The following RNF103 variants were observed in gnomAD, a reference collection of about 807,000 sequenced individuals.
RNF103 encodes E3 ubiquitin-protein ligase RNF103.
In RNF103, 23 loss-of-function variants were observed where a neutral mutation model predicts 66.2. That is an observed-to-expected ratio of 0.35 (90% CI 0.25 to 0.49). RNF103 has a LOEUF of 0.49. RNF103 is among the 20% of genes least tolerant of loss of function. The probability of loss-of-function intolerance (pLI) is 0.98; values close to 1 mark genes in which losing one functional copy is unlikely to be tolerated. For missense variants in RNF103, 730 were observed against 814.7 expected (o/e 0.90, Z 1.27); for synonymous variants, 297 against 289.9 (o/e 1.02, Z -0.25).
chr2:86,612,358 CT>C lies in RNF103; in HGVS notation c.367-85del, dbSNP rs1678832190. The C allele has an allele frequency of 1.9e-5, 14 of 725,722 alleles. No homozygotes were observed. In the South Asian group the frequency reaches 2.3e-4, roughly 12 times the overall value. The allele number at this position is 725,722 out of a possible 1,614,324, so 45.0% of individuals were successfully genotyped here. A position where few individuals can be genotyped will look rare whatever the true frequency, so the allele number is the denominator to read the frequency against. ...CGTTTACATCAACAATATAATTTCA[CT>C]TAAAAAAAAAGATATTCTGTTCCCA... On this transcript the variant is annotated intron_variant, in intron 2 of 3. Coordinates refer to ENST00000237455, the MANE Select transcript of RNF103 (RefSeq NM_005667.4).
chr2:86,610,156 T>A (rs1678736962), intron 3 of RNF103, among the ~76,000 whole-genome samples: 1 of 152,200 alleles, frequency 6.6e-6, no homozygotes, highest in African/African-American at 2.4e-5. Flanking sequence ...TGCAACAAAA[T>A]CATTTTCTGA....
At position 86,623,171 on chromosome 2, in the gene RNF103, A is replaced by C. The variant is rs933338852; in HGVS notation, c.-285T>G. On this transcript the variant is annotated 5_prime_UTR_variant, in exon 1 of 4. Transcript: ENST00000237455. ...GAAAAACTCAAAACCCCCATCCATT[A>C]AGCACAGAAAGGAGAGGGGCGCGGG... is the stretch of plus-strand genomic sequence containing the variant. 4.6e-6 allele frequency: 5 copies of C among 1,084,214 alleles called. No homozygotes were observed. The highest frequency in any genetic ancestry group is 5.6e-6 in the Non-Finnish European group (5 of 896,256). 67.2% of individuals were successfully genotyped at this position (1,084,214 alleles called of 1,614,324 possible).
At position 86,605,435 on chromosome 2, in the gene RNF103, T is replaced by C. The variant is rs1433135996; in HGVS notation, c.483-17A>G. ...CTGCAATATCTACAAGAGAGGAAAC[T>C]GTAAATAAACAGCTAGGCTGTAATG... On this transcript the variant is annotated splice_polypyrimidine_tract_variant and intron_variant, in intron 3 of 3. Coordinates refer to ENST00000237455, the MANE Select transcript of RNF103 (RefSeq NM_005667.4). 1 of 1,575,126 alleles carries C rather than the reference T, an allele frequency of 6.3e-7. No individual in the cohort carries two copies. Among genetic ancestry groups the C allele is most frequent in the Non-Finnish European group, 8.6e-7 (1 of 1,164,188 alleles).
intron 2 of RNF103, among the ~76,000 whole-genome samples, chr2:86,615,418 A>C (rs1407847945): frequency 2.6e-5 from 4 of 151,620 alleles, no homozygotes; most frequent in Non-Finnish European, 5.9e-5. Flanking sequence ...TAAATTAACC[A>C]ACCACTATAA....
rs932508239 is a variant in RNF103 at position 86,617,918 on chromosome 2, T to C, written c.366+2412A>G. 2.0e-5 allele frequency: 18 copies of C among 918,552 alleles called. No individual in the cohort carries two copies. The South Asian group carries it at 2.6e-4, about 13-fold the overall frequency. 56.9% of individuals were successfully genotyped at this position (918,552 alleles called of 1,614,324 possible). A position where few individuals can be genotyped will look rare whatever the true frequency, so the allele number is the denominator to read the frequency against. ...TTCTCAGTTGTCCTGCCAGAGATTG[T>C]TCTTTCAGACCAGGCCAGCCATTTG... On this transcript the variant is annotated intron_variant, in intron 2 of 3. Transcript: ENST00000237455.
chr2:86,621,648 G>A (rs2104268344), intron 1 of RNF103, among the ~76,000 whole-genome samples: 1 of 152,064 alleles, frequency 6.6e-6, no homozygotes, highest in East Asian at 1.9e-4. Context: ...TCATACTCTT[G>A]TCTATCACGC....
At chr2:86,613,320 T>G (rs1187636749) in intron 2 of RNF103, 1 of 152,070 alleles carries the variant, frequency 6.6e-6, no homozygotes, top group African/African-American at 2.4e-5. Context: ...TTTCCCTTTA[T>G]CTCCTAATCT....
rs183504736 is a variant in RNF103, at chr2:86,604,527, C to G, written c.1374G>C (p.Leu458=). ...NANNLEWLSS[L]WDWYTSYLFH... ...AGAGGTAGCTGGTGTACCAGTCCCA[C>G]AGACTTGATAACCATTCTAAGTTAT... The change falls in exon 4 of 4, where the codon CTG becomes CTC. Residue 458 remains leucine (L), a synonymous_variant. Coordinates refer to ENST00000237455, the MANE Select transcript of RNF103 (RefSeq NM_005667.4). 13 of 1,614,222 alleles carry G rather than the reference C, an allele frequency of 8.1e-6. No homozygotes were observed. In the Admixed American group the frequency reaches 1.3e-4, roughly 17 times the overall value.
chr2:86,620,346 C>T lies in RNF103; in HGVS notation c.350G>A (p.Gly117Asp), dbSNP rs775219184. ...TTTTCATACCTGAACCAGCCAGATG[C>T]CATCTTTTGTGTCTTCCACAAGCTC... is the stretch of plus-strand genomic sequence containing the variant. ...FYELVEDTKD[G>D]IWLVQVIAND... The change falls in exon 2 of 4, where the codon GGC becomes GAC. Residue 117 changes from glycine (G) to aspartate (D), a missense_variant. Gly to Asp is a moderately conservative substitution (Grantham distance 94). Around this residue, in one of 3 missense-constraint regions of RNF103, gnomAD observed 327 missense variants for 369.8 expected, o/e 0.88. Transcript: ENST00000237455. The T allele has an allele frequency of 6.9e-6, 11 of 1,602,880 alleles. No individual in the cohort carries two copies. Among genetic ancestry groups the T allele is most frequent in the Non-Finnish European group, 7.7e-6 (9 of 1,172,242 alleles).
In RNF103 at chr2:86,603,841, G is replaced by C. The variant is rs1678436225; in HGVS notation, c.*2C>G. ...AGCTTATAAAGGACAAATTGCACATGGTTAAGATGGGACATCATTTGACAA... is the reference window on the plus strand; with the variant it reads ...AGCTTATAAAGGACAAATTGCACATCGTTAAGATGGGACATCATTTGACAA... On this transcript the variant is annotated 3_prime_UTR_variant, in exon 4 of 4. Coordinates refer to ENST00000237455, the MANE Select transcript of RNF103 (RefSeq NM_005667.4). The C allele has an allele frequency of 6.2e-7, 1 of 1,604,760 alleles. No individual in the cohort carries two copies. Among genetic ancestry groups the C allele is most frequent in the Non-Finnish European group, 8.5e-7 (1 of 1,176,258 alleles).
chr2:86,620,538 A>AT (rs1679191593), intron 1 of RNF103, 69 bp from the exon 2 acceptor site: 1 of 1,437,746 alleles, frequency 7.0e-7, no homozygotes, highest in African/African-American at 1.4e-5. Flanking sequence ...CAGTAATTCT[A>AT]TTTTTTACAC....
At chr2:86,615,584 A>G (rs112203054) in intron 2 of RNF103, among the ~76,000 whole-genome samples, 7,770 of 150,448 alleles carry the variant, frequency 0.052, 370 homozygotes, top group African/African-American at 0.12. Context: ...AGAGTCCCCA[A>G]TTTATAGCTC....
chr2:86,623,665 G>C lies in RNF103; in HGVS notation c.-779C>G, dbSNP rs1679329834. ...CTGCAGATGGAATCGGTCTCGGAGG[G>C]AAAAAACCAATAATAGGCCCCGAGA... is the stretch of plus-strand genomic sequence containing the variant. On this transcript the variant is annotated 5_prime_UTR_variant, in exon 1 of 4. Coordinates refer to ENST00000237455, the MANE Select transcript of RNF103 (RefSeq NM_005667.4). The C allele has an allele frequency of 8.6e-7, 1 of 1,168,364 alleles. No homozygotes were observed. Among genetic ancestry groups the C allele is most frequent in the Non-Finnish European group, 1.1e-6 (1 of 932,292 alleles). 72.4% of individuals were successfully genotyped at this position (1,168,364 alleles called of 1,614,324 possible).
rs1016083305 is a variant in RNF103, at chr2:86,622,943, C to G, written c.-57G>C. 2.1e-5 allele frequency: 32 copies of G among 1,517,332 alleles called. No homozygotes were observed. The highest frequency in any genetic ancestry group is 2.7e-5 in the Non-Finnish European group (30 of 1,130,456). The allele number at this position is 1,517,332 out of a possible 1,614,324, so 94.0% of individuals were successfully genotyped here. A position where few individuals can be genotyped will look rare whatever the true frequency, so the allele number is the denominator to read the frequency against. ...CTCGGAATACGGGAGAGAGAAGGGT[C>G]GAGGGCGGGGGCCGCGGCTCGGTGG... On this transcript the variant is annotated 5_prime_UTR_variant, in exon 1 of 4. Transcript: ENST00000237455.
chr2:86,623,032 C>G lies in RNF103; in HGVS notation c.-146G>C, dbSNP rs1159099895. On this transcript the variant is annotated 5_prime_UTR_variant, in exon 1 of 4. Transcript: ENST00000237455. ...CCGGCGCCGTCACTGGCCGGCCATC[C>G]CCGGCGGGGAAGCAGGTGACGGGAT... 3 of 1,352,980 alleles carry G rather than the reference C, an allele frequency of 2.2e-6. No individual in the cohort carries two copies. Among genetic ancestry groups the G allele is most frequent in the East Asian group, 3.1e-5 (1 of 32,676 alleles). 83.8% of individuals were successfully genotyped at this position (1,352,980 alleles called of 1,614,324 possible).
At position 86,615,540 on chromosome 2, in the gene RNF103, T is replaced by TATATATATA. The variant is rs1287982835; in HGVS notation, c.367-3267_367-3266insTATATATAT. 3.7e-3 allele frequency among the ~76,000 whole-genome samples: 471 copies of TATATATATA among 126,882 alleles called. 1 individual carries two copies. The highest frequency in any genetic ancestry group is 0.012 in the South Asian group (45 of 3,832). 83.2% of individuals were successfully genotyped at this position (126,882 alleles called of 152,430 possible). ...ATGCCTTATATATATATATATATAA[T>TATATATATA]ATATATACACACACACACTATGTCA... is the stretch of plus-strand genomic sequence containing the variant. On this transcript the variant is annotated intron_variant, in intron 2 of 3. Coordinates refer to ENST00000237455, the MANE Select transcript of RNF103 (RefSeq NM_005667.4).
rs1188800257 is a variant in RNF103, at chr2:86,623,292, G to A, written c.-406C>T. On this transcript the variant is annotated 5_prime_UTR_variant, in exon 1 of 4. Transcript: ENST00000237455. Reference sequence around the variant, plus strand: ...CGGCCCTCCGGTGCCGCGATCTCAAGGGGGAGGGGGAGACCAAAAAATAAC... The same window carrying A: ...CGGCCCTCCGGTGCCGCGATCTCAAAGGGGAGGGGGAGACCAAAAAATAAC... The A allele has an allele frequency of 2.0e-6, 2 of 992,130 alleles. No homozygotes were observed. The highest frequency in any genetic ancestry group is 1.7e-5 in the African/African-American group (1 of 57,258). The allele number at this position is 992,130 out of a possible 1,614,324, so 61.5% of individuals were successfully genotyped here.
At chr2:86,609,412 T>A (rs1227353185) in intron 3 of RNF103, among the ~76,000 whole-genome samples, 2 of 136,360 alleles carry the variant, frequency 1.5e-5, no homozygotes, top group Non-Finnish European at 1.5e-5. Flanking sequence ...TGAGACAGAG[T>A]CTCGCTCTTG....
intron 2 of RNF103, chr2:86,616,875 A>G: frequency 1.0e-6 from 1 of 985,426 alleles, no homozygotes; most frequent in Non-Finnish European, 1.2e-6. Context: ...TAACTTCTCC[A>G]CTTCAGAAGC....
Sources: allele counts gnomAD v4.1 joint callset (sites outside exome capture counted in the v4.1 genomes callset), GRCh38; gene constraint gnomAD v4.1.1; regional missense constraint gnomAD v4.1.1; transcripts MANE v1.5; gene names NCBI Gene and HGNC (gene_info 2026-07-23, HGNC 2026-07-21).